The following KIF6 variants were observed in gnomAD, a reference collection of about 807,000 sequenced individuals.
KIF6 encodes kinesin family member 6.
KIF6 carries 106 observed loss-of-function variants against 112.7 expected under a neutral mutation model. That is an observed-to-expected ratio of 0.94 (90% CI 0.80 to 1.11). KIF6 has a LOEUF of 1.11. Among genes scored for constraint, KIF6 ranks in the 50% least tolerant of loss-of-function variants. The pLI is 0.00. For missense variants in KIF6, 929 were observed against 964.0 expected (o/e 0.96, Z 0.48); for synonymous variants, 339 against 339.9 (o/e 1.00, Z 0.03).
At chr6:39,612,859 T>G (rs1783292568) in intron 6 of KIF6, among the ~76,000 whole-genome samples, 1 of 152,202 alleles carries the variant, frequency 6.6e-6, no homozygotes, top group Admixed American at 6.5e-5. Context: ...TGTAATACAT[T>G]GTCATTAATG....
chr6:39,487,366 C>T lies in KIF6; in HGVS notation c.1645+52637G>A, dbSNP rs61637805. Among the ~76,000 whole-genome samples the T allele has an allele frequency of 1.9e-3, 289 of 152,274 alleles. 2 individuals carry two copies. Among genetic ancestry groups the T allele is most frequent in the African/African-American group, 6.8e-3 (281 of 41,562 alleles). On this transcript the variant is annotated intron_variant, in intron 13 of 22. Transcript: ENST00000287152. The stretch of plus-strand genomic sequence containing the variant: ...TGGGAATTGCCCTCTGCTACTGCCT[C>T]ATCCAAAGTCAGATTCCCTCCCCAG...
chr6:39,453,462 T>C (rs1480609203), intron 13 of KIF6, among the ~76,000 whole-genome samples: 1 of 152,234 alleles, frequency 6.6e-6, no homozygotes, highest in East Asian at 1.9e-4. Flanking sequence ...GGAATTTGGC[T>C]CTGGGACAAA....
intron 13 of KIF6, among the ~76,000 whole-genome samples, chr6:39,460,256 C>T (rs1773375754): frequency 8.3e-6 from 1 of 119,846 alleles, no homozygotes; most frequent in Non-Finnish European, 1.7e-5. Context: ...CCATCATTCT[C>T]AGTAAACTAT....
chr6:39,557,172 G>T (rs1404191779), intron 10 of KIF6, among the ~76,000 whole-genome samples: 2 of 152,052 alleles, frequency 1.3e-5, no homozygotes, highest in Non-Finnish European at 2.9e-5. Flanking sequence ...ATGTAAAAAT[G>T]CAAAGTAAAT....
intron 13 of KIF6, among the ~76,000 whole-genome samples, chr6:39,499,077 CATT>C (rs1253613164): frequency 6.6e-6 from 1 of 152,202 alleles, no homozygotes; most frequent in Non-Finnish European, 1.5e-5. Flanking sequence ...GACCTTTACT[CATT>C]ATTCAAGTAA....
At chr6:39,489,717 A>C (rs1212842549) in intron 13 of KIF6, among the ~76,000 whole-genome samples, 1 of 152,154 alleles carries the variant, frequency 6.6e-6, no homozygotes, top group East Asian at 1.9e-4. Context: ...TAGGAGGATA[A>C]AGGTCTTATA....
chr6:39,475,753 T>C (rs1774390369), intron 13 of KIF6, among the ~76,000 whole-genome samples: 1 of 152,178 alleles, frequency 6.6e-6, no homozygotes, highest in Non-Finnish European at 1.5e-5. Flanking sequence ...GAGAGGCGCC[T>C]TCATGAGCAG....
At chr6:39,466,213 C>G (rs1196265928) in intron 13 of KIF6, among the ~76,000 whole-genome samples, 2 of 152,174 alleles carry the variant, frequency 1.3e-5, no homozygotes, top group Non-Finnish European at 2.9e-5. Flanking sequence ...TATGTAACAA[C>G]AAGGCCAACT....
chr6:39,478,108 C>A (rs1581940621), intron 13 of KIF6, among the ~76,000 whole-genome samples: 1 of 151,974 alleles, frequency 6.6e-6, no homozygotes, highest in East Asian at 1.9e-4. Context: ...AGTAAGTTCT[C>A]CAGTGGTAAT....
chr6:39,422,216 A>G (rs9394591), intron 14 of KIF6, among the ~76,000 whole-genome samples: 36,360 of 152,100 alleles, frequency 0.24, 6,989 homozygotes, highest in African/African-American at 0.53. Flanking sequence ...AAGCAGAAGA[A>G]GGACTTTCCA....
rs1463041957 is a variant in KIF6, at chr6:39,330,146, TCTC to T, written c.*6383_*6385del. Reference sequence around the variant, plus strand: ...ATGCCACACCAGCCAGCGGGAATGATCTCCTCATCAGGCTGCTTTCCTGGAACC... The same window carrying T: ...ATGCCACACCAGCCAGCGGGAATGATCTCATCAGGCTGCTTTCCTGGAACC... On this transcript the variant is annotated 3_prime_UTR_variant, in exon 23 of 23. Transcript: ENST00000287152. The T allele has an allele frequency of 1.3e-5, 2 of 152,112 alleles. No individual in the cohort carries two copies. The highest frequency in any genetic ancestry group is 4.8e-5 in the African/African-American group (2 of 41,408). The allele number at this position is 152,112 out of a possible 1,614,324, so 9.4% of individuals were successfully genotyped here.
chr6:39,693,094 G>A (rs542201170), intron 3 of KIF6, among the ~76,000 whole-genome samples: 5 of 152,188 alleles, frequency 3.3e-5, no homozygotes, highest in Admixed American at 1.3e-4. Flanking sequence ...ATCAATGTAC[G>A]CATATGCCCC....
chr6:39,658,729 A>G (rs1400956233), intron 3 of KIF6, among the ~76,000 whole-genome samples: 4 of 152,216 alleles, frequency 2.6e-5, no homozygotes, highest in African/African-American at 9.6e-5. Context: ...GAGGCCAAGC[A>G]CATATATTTC....
chr6:39,581,161 CTT>C (rs60321520), intron 9 of KIF6, among the ~76,000 whole-genome samples: 155 of 78,676 alleles, frequency 2.0e-3, no homozygotes, highest in Middle Eastern at 0.014. Flanking sequence ...GCTTTACTTT[CTT>C]TTTTTTTTTT....
intron 13 of KIF6, among the ~76,000 whole-genome samples, chr6:39,514,779 C>CG (rs113040129): frequency 0.031 from 4,719 of 152,010 alleles, 239 homozygotes; most frequent in African/African-American, 0.1. Context: ...TTTTTTCCCC[C>CG]CCGGGGATGA....
chr6:39,622,436 C>T (rs1783880365), intron 5 of KIF6, among the ~76,000 whole-genome samples: 1 of 152,058 alleles, frequency 6.6e-6, no homozygotes, highest in Admixed American at 6.6e-5. Flanking sequence ...ACTTTTTAAG[C>T]TTAAAGTCCT....
chr6:39,638,690 G>C (rs1338507126), intron 4 of KIF6, among the ~76,000 whole-genome samples: 1 of 152,020 alleles, frequency 6.6e-6, no homozygotes, highest in Non-Finnish European at 1.5e-5. Flanking sequence ...AAGAAATTTT[G>C]GAGTGACTGT....
At chr6:39,478,836 A>G (rs1774616051) in intron 13 of KIF6, among the ~76,000 whole-genome samples, 1 of 150,698 alleles carries the variant, frequency 6.6e-6, no homozygotes, top group African/African-American at 2.4e-5. Flanking sequence ...TTTGATCTGC[A>G]TTTCCCTGAT....
intron 3 of KIF6, among the ~76,000 whole-genome samples, chr6:39,685,070 G>A (rs1277967076): frequency 6.6e-6 from 1 of 152,208 alleles, no homozygotes; most frequent in Admixed American, 6.5e-5. Context: ...GGTAGTTTTT[G>A]TGGAAAAGGG....
Sources: gnomAD v4.1 joint callset for allele counts (sites outside exome capture counted in the v4.1 genomes callset) on GRCh38, gnomAD v4.1.1 for gene constraint, MANE v1.5 for transcripts, NCBI Gene and HGNC (gene_info 2026-07-23, HGNC 2026-07-21) for gene names.